The following SHISA6 variants were observed in gnomAD, a reference collection of about 807,000 sequenced individuals.
The protein encoded by SHISA6 is protein shisa-6.
Under a neutral mutation model 47.9 loss-of-function variants are expected in SHISA6, and 22 were observed. The ratio of observed to expected loss-of-function variants is 0.46; its 90% CI spans 0.33 to 0.66. SHISA6 has a LOEUF of 0.66. Ranked by LOEUF, SHISA6 falls within the 30% of genes least tolerant of loss-of-function variation. The pLI is 0.02. For synonymous variants in SHISA6, 388 were observed against 337.8 expected (o/e 1.15, Z -1.63); for missense variants, 680 against 764.6 (o/e 0.89, Z 1.30).
intron 2 of SHISA6, among the ~76,000 whole-genome samples, chr17:11,318,992 C>A (rs148447737): frequency 3.6e-4 from 55 of 151,950 alleles, no homozygotes; most frequent in African/African-American, 1.2e-3. Flanking sequence ...TGTACTTCAA[C>A]CTGGTCTATT....
rs953179087 is a variant in SHISA6 at position 11,412,597 on chromosome 17, A to G, written c.895+33088A>G. On this transcript the variant is annotated intron_variant, in intron 3 of 5. Coordinates refer to ENST00000441885, the MANE Select transcript of SHISA6 (RefSeq NM_207386.4). ...CACTCTGTCGCTCAGGCTGGAGTGC[A>G]GTGGCGCGATCTTGGCTCACTGCAA... Among the ~76,000 whole-genome samples, 6 of 151,092 alleles carry G rather than the reference A, an allele frequency of 4.0e-5. 1 individual carries two copies. Among genetic ancestry groups the G allele is most frequent in the Admixed American group, 6.6e-5 (1 of 15,158 alleles).
intron 3 of SHISA6, among the ~76,000 whole-genome samples, chr17:11,460,913 A>G (rs975888934): frequency 6.6e-6 from 1 of 152,232 alleles, no homozygotes; most frequent in Non-Finnish European, 1.5e-5. Context: ...GAATGCCATA[A>G]TGAATGGATT....
At chr17:11,407,539 C>T (rs1176408620) in intron 3 of SHISA6, among the ~76,000 whole-genome samples, 1 of 151,992 alleles carries the variant, frequency 6.6e-6, no homozygotes, top group Non-Finnish European at 1.5e-5. Flanking sequence ...CACATAGAGC[C>T]ATACCCATCT....
At chr17:11,464,556 T>A (rs1915764785) in intron 3 of SHISA6, among the ~76,000 whole-genome samples, 1 of 152,152 alleles carries the variant, frequency 6.6e-6, no homozygotes, top group South Asian at 2.1e-4. Context: ...ATGAATGCAT[T>A]ACACTCTGTG....
intron 2 of SHISA6, among the ~76,000 whole-genome samples, chr17:11,341,056 C>T (rs923360965): frequency 4.6e-5 from 7 of 152,150 alleles, no homozygotes; most frequent in African/African-American, 1.7e-4. Context: ...AATGTTGGCA[C>T]CAATCCTGCC....
chr17:11,345,080 T>A (rs1248161717), intron 2 of SHISA6, among the ~76,000 whole-genome samples: 1 of 152,210 alleles, frequency 6.6e-6, no homozygotes, highest in Non-Finnish European at 1.5e-5. Flanking sequence ...TATCCTCCAT[T>A]CTTATCCATG....
In SHISA6 at chr17:11,555,723, C is replaced by G. The variant is rs373392936; in HGVS notation, c.953-17C>G. On this transcript the variant is annotated splice_polypyrimidine_tract_variant and intron_variant, in intron 4 of 5. Coordinates refer to ENST00000441885, the MANE Select transcript of SHISA6 (RefSeq NM_207386.4). ...ATGGTCCTCATTAATACAAAACACC[C>G]CTCCCTTTTCTTGCAGAGAAGCCAC... 7.0e-5 allele frequency: 107 copies of G among 1,519,904 alleles called. No individual in the cohort carries two copies. The African/African-American group carries it at 1.3e-3, about 19-fold the overall frequency. 94.2% of individuals were successfully genotyped at this position (1,519,904 alleles called of 1,614,324 possible).
intron 2 of SHISA6, among the ~76,000 whole-genome samples, chr17:11,330,435 G>A (rs1207460451): frequency 2.0e-5 from 3 of 151,784 alleles, no homozygotes; most frequent in African/African-American, 7.3e-5. Flanking sequence ...AGGCTAGTCA[G>A]CAATAAGGTT....
intron 2 of SHISA6, among the ~76,000 whole-genome samples, chr17:11,365,999 T>A (rs147829128): frequency 6.6e-6 from 1 of 152,202 alleles, no homozygotes; most frequent in East Asian, 1.9e-4. Context: ...GAACTGCAAG[T>A]GCAAAGGATG....
chr17:11,477,523 C>A (rs1037153939), intron 3 of SHISA6, among the ~76,000 whole-genome samples: 1 of 151,328 alleles, frequency 6.6e-6, no homozygotes, highest in Non-Finnish European at 1.5e-5. Flanking sequence ...CACCCACTAA[C>A]TCGTCATCTA....
rs1443959981 is a variant in SHISA6 at position 11,388,862 on chromosome 17, A to AT, written c.895+9353_895+9354insT. On this transcript the variant is annotated intron_variant, in intron 3 of 5. Coordinates refer to ENST00000441885, the MANE Select transcript of SHISA6 (RefSeq NM_207386.4). ...TATATTTTAAAAAAGGTAAAAAAAA[A>AT]AAACCTTTGAGAGTTTCTCAGTCGG... Among the ~76,000 whole-genome samples, 103 of 139,864 alleles carry AT rather than the reference A, an allele frequency of 7.4e-4. 3 individuals carry two copies. The highest frequency in any genetic ancestry group is 2.7e-3 in the African/African-American group (99 of 36,882). The allele number at this position is 139,864 out of a possible 152,430, so 91.8% of individuals were successfully genotyped here.
At chr17:11,461,822 G>A (rs1435687895) in intron 3 of SHISA6, among the ~76,000 whole-genome samples, 1 of 152,158 alleles carries the variant, frequency 6.6e-6, no homozygotes, top group Non-Finnish European at 1.5e-5. Flanking sequence ...GCTTGCTTAC[G>A]AAAAGCATGC....
At chr17:11,469,996 C>A (rs1915899473) in intron 3 of SHISA6, among the ~76,000 whole-genome samples, 1 of 152,126 alleles carries the variant, frequency 6.6e-6, no homozygotes, top group Non-Finnish European at 1.5e-5. Context: ...GAAGAAGAGA[C>A]ACCAGAGGGC....
At position 11,383,863 on chromosome 17, in the gene SHISA6, C is replaced by T. The variant is rs1051387433; in HGVS notation, c.895+4354C>T. Among the ~76,000 whole-genome samples the T allele has an allele frequency of 4.7e-4, 71 of 152,142 alleles. 1 individual carries two copies. The highest frequency in any genetic ancestry group is 3.9e-3 in the Admixed American group (59 of 15,276). On this transcript the variant is annotated intron_variant, in intron 3 of 5. Coordinates refer to ENST00000441885, the MANE Select transcript of SHISA6 (RefSeq NM_207386.4). ...CAAGTTCCCCCTGAAATATTTTCTT[C>T]GTTAATTAGACAAGATCACTCAGCC...
intron 2 of SHISA6, among the ~76,000 whole-genome samples, chr17:11,271,814 G>A (rs1293089713): frequency 1.3e-5 from 2 of 151,774 alleles, no homozygotes; most frequent in Non-Finnish European, 2.9e-5. Flanking sequence ...CTTTCCTTCT[G>A]TGCCTGGGAC....
intron 3 of SHISA6, among the ~76,000 whole-genome samples, chr17:11,398,954 G>C (rs1913671660): frequency 7.9e-6 from 1 of 126,154 alleles, no homozygotes; most frequent in Non-Finnish European, 1.8e-5. Flanking sequence ...TTCTACCTAG[G>C]TTATTTTTTT....
At chr17:11,311,141 G>T (rs377281746) in intron 2 of SHISA6, among the ~76,000 whole-genome samples, 1 of 150,256 alleles carries the variant, frequency 6.7e-6, no homozygotes, top group Non-Finnish European at 1.5e-5. Context: ...AATTAGCCGG[G>T]TGTGGTGGCA....
rs144824110 is a variant in SHISA6 at position 11,249,625 on chromosome 17, C to T, written c.638+7565C>T. On this transcript the variant is annotated intron_variant, in intron 1 of 5. Transcript: ENST00000441885. ...CTTCCAAGCAGTCACCTTGGGAGGC[C>T]GCATGCTGATTTTTCTGCAGAAAAT... Among the ~76,000 whole-genome samples the T allele has an allele frequency of 1.3e-4, 20 of 152,180 alleles. 2 individuals carry two copies. In the East Asian group the frequency reaches 2.3e-3, roughly 18 times the overall value.
intron 2 of SHISA6, among the ~76,000 whole-genome samples, chr17:11,274,757 C>G (rs1908817130): frequency 6.6e-6 from 1 of 152,136 alleles, no homozygotes; most frequent in African/African-American, 2.4e-5. Context: ...GGGCTTAACT[C>G]CAGGAGCAGA....
Sources: allele counts gnomAD v4.1 joint callset (sites outside exome capture counted in the v4.1 genomes callset), GRCh38; gene constraint gnomAD v4.1.1; transcripts MANE v1.5; gene names NCBI Gene and HGNC (gene_info 2026-07-23, HGNC 2026-07-21).